Variants in SCD5 observed in about 807,000 individuals in gnomAD.
SCD5 encodes the protein stearoyl-CoA desaturase 5.
A neutral mutation model predicts 30.4 loss-of-function variants in SCD5; 20 were observed. The observed-to-expected ratio is 0.66, with a 90% CI of 0.46 to 0.96. The LOEUF is 0.96. Ranked by LOEUF, SCD5 falls within the 40% of genes least tolerant of loss-of-function variation. The probability of loss-of-function intolerance (pLI) is 0.00; values close to 1 mark genes in which losing one functional copy is unlikely to be tolerated. For synonymous variants in SCD5, 173 were observed against 176.4 expected (o/e 0.98, Z 0.16); for missense variants, 381 against 443.3 (o/e 0.86, Z 1.26).
intron 3 of SCD5, chr4:82,660,727 T>C: frequency 6.8e-7 from 1 of 1,461,398 alleles, no homozygotes; most frequent in South Asian, 1.4e-5. Flanking sequence ...TTGTGTCAAC[T>C]GATTGAATCA....
chr4:82,743,908 G>C (rs1353478364), intron 1 of SCD5, among the ~76,000 whole-genome samples: 1 of 150,382 alleles, frequency 6.6e-6, no homozygotes, highest in Non-Finnish European at 1.5e-5. Context: ...TCGGCTCACT[G>C]CAACCCTCCC....
At chr4:82,697,878 A>T (rs1049667897) in intron 2 of SCD5, among the ~76,000 whole-genome samples, 82 of 152,234 alleles carry the variant, frequency 5.4e-4, no homozygotes, top group Non-Finnish European at 1.8e-4. Flanking sequence ...TGCTTTAATG[A>T]ATTGATAAAT....
At chr4:82,659,460 G>A (rs184642099) in intron 3 of SCD5, among the ~76,000 whole-genome samples, 2 of 152,198 alleles carry the variant, frequency 1.3e-5, no homozygotes, top group East Asian at 3.9e-4. Flanking sequence ...TTTCTCCTGT[G>A]GACATTTAGT....
intron 1 of SCD5, among the ~76,000 whole-genome samples, chr4:82,719,329 T>A (rs1291778145): frequency 6.6e-6 from 1 of 151,378 alleles, no homozygotes; most frequent in Non-Finnish European, 1.5e-5. Flanking sequence ...CTGCCTGGCC[T>A]CAATCTAGGA....
chr4:82,779,978 A>T (rs989154422), intron 1 of SCD5, among the ~76,000 whole-genome samples: 1 of 152,194 alleles, frequency 6.6e-6, no homozygotes, highest in Admixed American at 6.5e-5. Flanking sequence ...TTGTTCTCAA[A>T]GTTATTGTTG....
chr4:82,712,316 T>TATTTTA (rs201444634), intron 1 of SCD5, among the ~76,000 whole-genome samples: 1 of 63,018 alleles, frequency 1.6e-5, no homozygotes, highest in Non-Finnish European at 3.1e-5. Context: ...TATTTTATTT[T>TATTTTA]TTTTTTTTGA....
chr4:82,714,611 A>C (rs539378414), intron 1 of SCD5, among the ~76,000 whole-genome samples: 1 of 152,100 alleles, frequency 6.6e-6, no homozygotes, highest in East Asian at 1.9e-4. Context: ...CTGTGGGGGT[A>C]AAATGAAGGG....
At chr4:82,646,563 T>C (rs1727638170) in intron 3 of SCD5, among the ~76,000 whole-genome samples, 1 of 152,188 alleles carries the variant, frequency 6.6e-6, no homozygotes, top group Non-Finnish European at 1.5e-5. Flanking sequence ...GTTTGAAGTA[T>C]TCTCTGAAAG....
chr4:82,686,360 T>A (rs1312062908), intron 2 of SCD5, among the ~76,000 whole-genome samples: 1 of 152,220 alleles, frequency 6.6e-6, no homozygotes, highest in East Asian at 1.9e-4. Flanking sequence ...GTTTGAAGAA[T>A]TAAGAATTCA....
At chr4:82,666,484 C>T (rs573539078) in intron 3 of SCD5, among the ~76,000 whole-genome samples, 2 of 150,822 alleles carry the variant, frequency 1.3e-5, no homozygotes, top group Admixed American at 1.3e-4. Context: ...CACTGCACTC[C>T]AGCCTGGGAG....
chr4:82,763,168 C>T (rs1721415320), intron 1 of SCD5, among the ~76,000 whole-genome samples: 1 of 152,214 alleles, frequency 6.6e-6, no homozygotes, highest in African/African-American at 2.4e-5. Flanking sequence ...AGCCTAACCT[C>T]AGTACCTCAG....
chr4:82,696,199 A>AT (rs1719692468), intron 2 of SCD5, among the ~76,000 whole-genome samples: 1 of 152,234 alleles, frequency 6.6e-6, no homozygotes, highest in Non-Finnish European at 1.5e-5. Context: ...AGAAATTTCC[A>AT]TTTGGCATCT....
At chr4:82,647,476 T>C (rs1485888461) in intron 3 of SCD5, among the ~76,000 whole-genome samples, 2 of 152,252 alleles carry the variant, frequency 1.3e-5, no homozygotes, top group African/African-American at 4.8e-5. Context: ...TTAGATGGGC[T>C]GACGATTTTT....
At chr4:82,653,512 A>G (rs1727798031) in intron 3 of SCD5, among the ~76,000 whole-genome samples, 1 of 151,928 alleles carries the variant, frequency 6.6e-6, no homozygotes, top group Non-Finnish European at 1.5e-5. Context: ...TTAACATCAC[A>G]TTTTCCCCCT....
chr4:82,780,965 G>C (rs1035102745), intron 1 of SCD5, among the ~76,000 whole-genome samples: 1 of 152,184 alleles, frequency 6.6e-6, no homozygotes, highest in African/African-American at 2.4e-5. Context: ...GTTAGAGGTG[G>C]GCCCTGGCTA....
chr4:82,694,140 T>C (rs957587385), intron 2 of SCD5, among the ~76,000 whole-genome samples: 2 of 152,200 alleles, frequency 1.3e-5, no homozygotes, highest in Non-Finnish European at 2.9e-5. Context: ...CCCAGGCATG[T>C]TGGGTCCCAC....
At chr4:82,655,331 G>C (rs1194762315) in intron 3 of SCD5, among the ~76,000 whole-genome samples, 1 of 152,136 alleles carries the variant, frequency 6.6e-6, no homozygotes, top group Non-Finnish European at 1.5e-5. Context: ...GTGGAAAAAG[G>C]CTTTAACCTT....
intron 3 of SCD5, chr4:82,660,317 C>T (rs1000255082): frequency 6.1e-5 from 19 of 313,556 alleles, no homozygotes; most frequent in Admixed American, 1.2e-4. Flanking sequence ...CTGGACCAAG[C>T]GGACCTAACA....
intron 1 of SCD5, among the ~76,000 whole-genome samples, chr4:82,778,868 CTTT>C (rs111615476): frequency 2.0e-3 from 282 of 142,512 alleles, no homozygotes; most frequent in Middle Eastern, 7.1e-3. Flanking sequence ...ACTAGCTAAT[CTTT>C]TTTTTTTTTT....
Sources: allele counts gnomAD v4.1 joint callset (sites outside exome capture counted in the v4.1 genomes callset), GRCh38; gene constraint gnomAD v4.1.1; transcripts MANE v1.5; gene names NCBI Gene and HGNC (gene_info 2026-07-23, HGNC 2026-07-21).